The following TMEM132C variants were observed in gnomAD, a reference collection of about 807,000 sequenced individuals.
TMEM132C encodes the protein protein phosphatase 1, regulatory subunit 152.
TMEM132C carries 29 observed loss-of-function variants against 61.4 expected under a neutral mutation model. The observed-to-expected ratio is 0.47, with a 90% confidence interval of 0.35 to 0.64. The LOEUF (loss-of-function observed/expected upper bound fraction) is 0.64, where lower values mean the gene tolerates loss of function less well. TMEM132C is among the 30% of genes least tolerant of loss of function. The pLI is 0.00. For synonymous variants in TMEM132C, 656 were observed against 633.1 expected, an observed-to-expected ratio of 1.04 and a Z score of -0.54; for missense variants, 1,408 against 1,476.9, an observed-to-expected ratio of 0.95 and a Z score of 0.76.
chr12:128,362,711 A>C (rs151122965), intron 1 of TMEM132C, among the ~76,000 whole-genome samples: 1,744 of 152,350 alleles, frequency 0.011, 34 homozygotes, highest in African/African-American at 0.039. Flanking sequence ...TCAGTGCTCA[A>C]AAAGTTTTAG....
intron 4 of TMEM132C, among the ~76,000 whole-genome samples, chr12:128,628,517 C>G (rs924332392): frequency 2.0e-5 from 3 of 152,208 alleles, no homozygotes; most frequent in Admixed American, 2.0e-4. Context: ...ATGCCCTGAC[C>G]GGCTTGATTT....
Position 128,415,280 on chromosome 12 carries a change from G to A in TMEM132C, c.634G>A (p.Ala212Thr). The A allele has an allele frequency of 6.3e-7, 1 of 1,598,070 alleles. No homozygotes were observed. The highest frequency in any genetic ancestry group is 8.5e-7 in the Non-Finnish European group (1 of 1,172,262). ...CTGGTTCAGTGCCCCGACGGTGGGT[G>A]CCGGGAGGAAGAAGTCCATGGACCA... ...SSWFSAPTVG[A>T]GRKKSMDQPE... The change falls in exon 2 of 9, where the codon GCC (alanine) becomes ACC (threonine). Residue 212 changes from alanine (A) to threonine (T), a missense_variant. Physicochemically the swap from Ala to Thr is moderately conservative, Grantham distance 58 (BLOSUM62 0). Coordinates refer to ENST00000435159, the MANE Select transcript of TMEM132C (RefSeq NM_001136103.3). This position sits in a 1 kb window ranked among gnomAD's most constrained non-coding sequence, Gnocchi z 5.8.
At chr12:128,603,666 T>C (rs1876288440) in intron 3 of TMEM132C, among the ~76,000 whole-genome samples, 1 of 152,214 alleles carries the variant, frequency 6.6e-6, no homozygotes, top group Admixed American at 6.5e-5. Context: ...ACATCTCTTT[T>C]CTTCCACTGT....
intron 4 of TMEM132C, among the ~76,000 whole-genome samples, chr12:128,624,994 C>A (rs1954001354): frequency 1.3e-5 from 2 of 152,116 alleles, no homozygotes; most frequent in African/African-American, 4.8e-5. Flanking sequence ...GAGAAACTAG[C>A]AAGGGAGGGG....
intron 1 of TMEM132C, among the ~76,000 whole-genome samples, chr12:128,306,231 G>T (rs1225566748): frequency 7.1e-6 from 1 of 141,718 alleles, no homozygotes. Flanking sequence ...TTGAGACTGA[G>T]CCTTGCTCCG....
At chr12:128,695,735 TG>T in intron 6 of TMEM132C, 94 bp from the exon 7 acceptor site, 1 of 1,362,874 alleles carries the variant, frequency 7.3e-7, no homozygotes, top group Non-Finnish European at 9.7e-7. Flanking sequence ...GTCTTCAATG[TG>T]GTCTCCTTGA....
intron 1 of TMEM132C, among the ~76,000 whole-genome samples, chr12:128,348,551 TG>T (rs1873243823): frequency 1.3e-5 from 2 of 152,242 alleles, no homozygotes. Flanking sequence ...TGAAGTATGA[TG>T]GCAGCTGTGG....
chr12:128,279,982 G>T (rs1380355141), intron 1 of TMEM132C, among the ~76,000 whole-genome samples: 4 of 152,176 alleles, frequency 2.6e-5, no homozygotes, highest in East Asian at 1.9e-4. Context: ...CTTGATAAAT[G>T]AATGAACGGA....
intron 1 of TMEM132C, among the ~76,000 whole-genome samples, chr12:128,348,096 A>G (rs79985989): frequency 0.04 from 6,085 of 152,276 alleles, 403 homozygotes; most frequent in African/African-American, 0.14. Flanking sequence ...TCATTCATTC[A>G]GGACTTTAAT....
intron 1 of TMEM132C, among the ~76,000 whole-genome samples, chr12:128,374,835 G>A (rs903445021): frequency 5.3e-5 from 8 of 150,370 alleles, no homozygotes; most frequent in African/African-American, 1.7e-4. Flanking sequence ...AAGGAGAATC[G>A]GTTTGAACCT....
intron 1 of TMEM132C, among the ~76,000 whole-genome samples, chr12:128,315,123 C>T (rs1044280746): frequency 6.6e-6 from 1 of 152,054 alleles, no homozygotes; most frequent in Non-Finnish European, 1.5e-5. Flanking sequence ...GGCATCTGAT[C>T]AGGGACGGGG....
chr12:128,548,388 T>G (rs1874039441), intron 3 of TMEM132C, among the ~76,000 whole-genome samples: 1 of 152,184 alleles, frequency 6.6e-6, no homozygotes, highest in African/African-American at 2.4e-5. Context: ...ACACAAAATC[T>G]CCAATTAGCC....
At position 128,554,595 on chromosome 12, in the gene TMEM132C, A is replaced by G. The variant is rs541320271; in HGVS notation, c.1121+10492A>G. On this transcript the variant is annotated intron_variant, in intron 3 of 8. Transcript: ENST00000435159. The stretch of plus-strand genomic sequence containing the variant: ...AGTCAAAATAATGCCTGTTTTCTTT[A>G]GGAGGTTGATTGCCTGTATTGTCCA... Among the ~76,000 whole-genome samples the G allele has an allele frequency of 3.9e-5, 6 of 152,330 alleles. No individual in the cohort carries two copies. The East Asian group carries it at 1.2e-3, about 29-fold the overall frequency.
intron 1 of TMEM132C, among the ~76,000 whole-genome samples, chr12:128,354,074 A>G (rs185509048): frequency 8.7e-4 from 132 of 152,234 alleles, no homozygotes; most frequent in Non-Finnish European, 1.5e-3. Context: ...GAGTCTCTTC[A>G]CCTCCAGGTT....
chr12:128,358,507 G>GTGTGTGTGTA (rs1873591802), intron 1 of TMEM132C, among the ~76,000 whole-genome samples: 1 of 151,766 alleles, frequency 6.6e-6, no homozygotes, highest in African/African-American at 2.4e-5. Context: ...GTGTGTGTGT[G>GTGTGTGTGTA]TGTGTGTGTG....
chr12:128,581,684 ATCT>A (rs764326575), intron 3 of TMEM132C, among the ~76,000 whole-genome samples: 1 of 152,230 alleles, frequency 6.6e-6, no homozygotes, highest in Non-Finnish European at 1.5e-5. Context: ...CTGACTTCTC[ATCT>A]TCTCTTTTTA....
intron 2 of TMEM132C, among the ~76,000 whole-genome samples, chr12:128,539,844 G>A (rs982739122): frequency 6.6e-6 from 1 of 152,106 alleles, no homozygotes. Flanking sequence ...TATTGATCAC[G>A]TGGCCTGGTG....
At chr12:128,463,694 C>A (rs1870620478) in intron 2 of TMEM132C, among the ~76,000 whole-genome samples, 1 of 152,092 alleles carries the variant, frequency 6.6e-6, no homozygotes, top group Admixed American at 6.5e-5. Flanking sequence ...CCGTTCCTCT[C>A]CCATCTCGGT....
At chr12:128,274,733 C>T (rs1013529759) in intron 1 of TMEM132C, among the ~76,000 whole-genome samples, 15 of 152,144 alleles carry the variant, frequency 9.9e-5, no homozygotes, top group African/African-American at 2.9e-4. Context: ...GAAGCCTATA[C>T]CTTGGCTAAA....
Sources: gnomAD v4.1 joint callset for allele counts (sites outside exome capture counted in the v4.1 genomes callset) on GRCh38, gnomAD v4.1.1 for gene constraint, Gnocchi (gnomAD v3.1) non-coding constraint, MANE v1.5 for transcripts, NCBI Gene and HGNC (gene_info 2026-07-23, HGNC 2026-07-21) for gene names.